The following PCDHA11 variants were observed in gnomAD, a reference collection of about 807,000 sequenced individuals.
PCDHA11 encodes the protein protocadherin alpha 11.
In PCDHA11, 61 loss-of-function variants were observed where a neutral mutation model predicts 70.3. The observed-to-expected ratio is 0.87, with a 90% CI of 0.71 to 1.07. The LOEUF is 1.07. Among genes scored for constraint, PCDHA11 ranks in the 50% least tolerant of loss-of-function variants. The probability of loss-of-function intolerance (pLI) is 0.00; values close to 1 mark genes in which losing one functional copy is unlikely to be tolerated. For missense variants in PCDHA11, 1,324 were observed against 1,237.5 expected (o/e 1.07, Z -1.05); for synonymous variants, 633 against 555.1 (o/e 1.14, Z -1.97).
intron 1 of PCDHA11, among the ~76,000 whole-genome samples, chr5:140,941,995 T>C (rs1243854944): frequency 6.6e-6 from 1 of 152,234 alleles, no homozygotes; most frequent in Non-Finnish European, 1.5e-5. Context: ...AAGGGATTCA[T>C]ATCTCTTATT....
intron 1 of PCDHA11, among the ~76,000 whole-genome samples, chr5:140,903,031 A>G (rs1411414428): frequency 1.3e-5 from 2 of 152,188 alleles, no homozygotes; most frequent in Admixed American, 1.3e-4. Flanking sequence ...TGGCTTGCAC[A>G]TGTGTCTTTT....
intron 1 of PCDHA11, chr5:140,927,907 G>A (rs1179807732): frequency 4.9e-5 from 79 of 1,614,038 alleles, no homozygotes; most frequent in Non-Finnish European, 6.6e-5. Flanking sequence ...TCATGCCCCC[G>A]AACTGGACTT....
intron 1 of PCDHA11, among the ~76,000 whole-genome samples, chr5:140,914,309 C>A (rs1461023041): frequency 1.3e-5 from 2 of 152,082 alleles, no homozygotes; most frequent in Non-Finnish European, 2.9e-5. Flanking sequence ...TGAATTGACC[C>A]CATTATCATT....
chr5:140,909,380 C>T (rs1247939021), intron 1 of PCDHA11, among the ~76,000 whole-genome samples: 2 of 152,194 alleles, frequency 1.3e-5, no homozygotes, highest in East Asian at 1.9e-4. Context: ...AATGAAACCA[C>T]ATCTAGTACA....
intron 1 of PCDHA11, among the ~76,000 whole-genome samples, chr5:140,963,991 A>G (rs1232646749): frequency 1.3e-5 from 2 of 152,190 alleles, no homozygotes; most frequent in Admixed American, 6.5e-5. Context: ...ATTCCTAATT[A>G]CTGTGTTCTA....
At chr5:140,880,509 T>G (rs754891409) in intron 1 of PCDHA11, among the ~76,000 whole-genome samples, 134 of 152,182 alleles carry the variant, frequency 8.8e-4, no homozygotes, top group Non-Finnish European at 1.6e-3. Flanking sequence ...TTCTGTTTGG[T>G]CACATCTCTC....
At chr5:140,967,390 G>C (rs2096135950) in intron 1 of PCDHA11, 1 of 1,609,870 alleles carries the variant, frequency 6.2e-7, no homozygotes, top group African/African-American at 1.3e-5. Context: ...AAGTGCTTGA[G>C]CTGGTGCTGC....
Position 140,885,214 on chromosome 5 carries a change from T to A in PCDHA11, c.2391+13720T>A, listed in dbSNP as rs550824585. On this transcript the variant is annotated intron_variant, in intron 1 of 3. Coordinates refer to ENST00000398640, the MANE Select transcript of PCDHA11 (RefSeq NM_018902.5). ...CCCCTCTCATATATCCCATGAAAAATATCTTGTGATTCTGCTTTCAATTTT... is the reference window on the plus strand; with the variant it reads ...CCCCTCTCATATATCCCATGAAAAAAATCTTGTGATTCTGCTTTCAATTTT... Among the ~76,000 whole-genome samples the A allele has an allele frequency of 2.8e-3, 423 of 152,168 alleles. 2 individuals carry two copies. The highest frequency in any genetic ancestry group is 0.014 in the Middle Eastern group (4 of 294).
chr5:140,930,567 C>T (rs1192022171), intron 1 of PCDHA11: 11 of 152,480 alleles, frequency 7.2e-5, no homozygotes, highest in African/African-American at 2.2e-4. Context: ...TGAAGCAATT[C>T]TACGGTATTA....
intron 1 of PCDHA11, among the ~76,000 whole-genome samples, chr5:140,878,960 A>G (rs1028687741): frequency 6.6e-6 from 1 of 152,322 alleles, no homozygotes; most frequent in African/African-American, 2.4e-5. Context: ...GAAATGTATT[A>G]CCTGGACATT....
chr5:140,940,552 G>A (rs1198606745), intron 1 of PCDHA11, among the ~76,000 whole-genome samples: 4 of 152,018 alleles, frequency 2.6e-5, no homozygotes, highest in African/African-American at 9.7e-5. Flanking sequence ...GGGCTCAAGT[G>A]ATTCTCCTAC....
chr5:141,000,371 CT>C (rs2153963893), intron 3 of PCDHA11, among the ~76,000 whole-genome samples: 1 of 49,262 alleles, frequency 2.0e-5, no homozygotes, highest in East Asian at 6.6e-4. Context: ...GTCTCTCTCT[CT>C]CTCTCTCTCT....
intron 1 of PCDHA11, among the ~76,000 whole-genome samples, chr5:140,951,653 C>T (rs2094610729): frequency 6.6e-6 from 1 of 152,176 alleles, no homozygotes; most frequent in South Asian, 2.1e-4. Context: ...TCACCTCCCA[C>T]CAGGGCCTGC....
intron 1 of PCDHA11, among the ~76,000 whole-genome samples, chr5:140,945,813 C>G (rs10477097): frequency 1.1e-4 from 16 of 152,202 alleles, no homozygotes; most frequent in African/African-American, 3.6e-4. Context: ...TTATCTCACA[C>G]TGTATACAAA....
intron 1 of PCDHA11, among the ~76,000 whole-genome samples, chr5:140,972,633 T>G (rs1230723429): frequency 6.6e-6 from 1 of 151,644 alleles, no homozygotes; most frequent in Non-Finnish European, 1.5e-5. Context: ...TGGCACTCCC[T>G]TCAGAGTCTC....
intron 1 of PCDHA11, among the ~76,000 whole-genome samples, chr5:140,912,788 A>G (rs1467959281): frequency 6.6e-6 from 1 of 152,104 alleles, no homozygotes; most frequent in East Asian, 1.9e-4. Context: ...CTTCTATGCC[A>G]ATTTTCTTGA....
At chr5:140,999,837 A>G (rs2097878885) in intron 3 of PCDHA11, among the ~76,000 whole-genome samples, 2 of 152,206 alleles carry the variant, frequency 1.3e-5, no homozygotes, top group South Asian at 2.1e-4. Flanking sequence ...AAATATGCCA[A>G]GTGTATTTAT....
At chr5:140,939,590 C>G (rs1385974524) in intron 1 of PCDHA11, among the ~76,000 whole-genome samples, 1 of 152,052 alleles carries the variant, frequency 6.6e-6, no homozygotes, top group African/African-American at 2.4e-5. Flanking sequence ...TTTTAACATA[C>G]CTTGCTCAAA....
chr5:140,871,319 T>C lies in PCDHA11; in HGVS notation c.2216T>C (p.Val739Ala), dbSNP rs782385310. 1 of 1,614,040 alleles carries C rather than the reference T, an allele frequency of 6.2e-7. No homozygotes were observed. Among genetic ancestry groups the C allele is most frequent in the Admixed American group, 1.7e-5 (1 of 60,018 alleles). The change falls in exon 1 of 4, where the codon GTG becomes GCG. Residue 739 changes from valine to alanine, a missense_variant. Val to Ala is a moderately conservative substitution (Grantham distance 64). Transcript: ENST00000398640. The stretch of plus-strand genomic sequence containing the variant: ...TGCGCGCCGGGGAAGCCCACGCTGG[T>C]GTGCTCCCGCGCGGTGGGGAGCTGG... ...GACAPGKPTL[V>A]CSRAVGSWSY...
Sources: allele counts gnomAD v4.1 joint callset (sites outside exome capture counted in the v4.1 genomes callset), GRCh38; gene constraint gnomAD v4.1.1; transcripts MANE v1.5; gene names NCBI Gene and HGNC (gene_info 2026-07-23, HGNC 2026-07-21).